B3GALT1: variants seen among roughly 807,000 people sequenced by gnomAD.
B3GALT1 encodes the protein beta-1,3-galactosyltransferase 1.
A neutral mutation model predicts 23.2 loss-of-function variants in B3GALT1; 10 were observed. That is an observed-to-expected ratio of 0.43 (90% confidence interval 0.27 to 0.73). The LOEUF is 0.73. Ranked by LOEUF, B3GALT1 falls within the 30% of genes least tolerant of loss-of-function variation. B3GALT1 has a pLI of 0.21. For synonymous variants in B3GALT1, 156 were observed against 141.5 expected, an observed-to-expected ratio of 1.10 and a Z score of -0.73; for missense variants, 299 against 405.4, an observed-to-expected ratio of 0.74 and a Z score of 2.25.
At chr2:167,626,766 A>G (rs1223852239) in intron 2 of B3GALT1, among the ~76,000 whole-genome samples, 2 of 151,820 alleles carry the variant, frequency 1.3e-5, no homozygotes, top group East Asian at 1.9e-4. Context: ...TAAGATGCTA[A>G]TAGGAAAATT....
intron 2 of B3GALT1, among the ~76,000 whole-genome samples, chr2:167,600,618 T>C (rs1299289850): frequency 6.6e-6 from 1 of 152,006 alleles, no homozygotes; most frequent in African/African-American, 2.4e-5. Context: ...GGATATCTCA[T>C]ATAATGGAAC....
intron 1 of B3GALT1, among the ~76,000 whole-genome samples, chr2:167,404,615 TA>T (rs1486490289): frequency 6.6e-6 from 1 of 152,184 alleles, no homozygotes; most frequent in Non-Finnish European, 1.5e-5. Flanking sequence ...ATGTTCACTA[TA>T]ATGTAAGTCC....
chr2:167,870,887 GGAGGCCA>G lies in B3GALT1; in HGVS notation c.*871_*877del. 1 of 167,038 alleles carries G rather than the reference GGAGGCCA, an allele frequency of 6.0e-6. No homozygotes were observed. Among genetic ancestry groups the G allele is most frequent in the Non-Finnish European group, 1.5e-5 (1 of 68,106 alleles). The allele number at this position is 167,038 out of a possible 1,614,324, so 10.3% of individuals were successfully genotyped here. ...TCTCTATGTAGAAAATAAGTTGGTT[GGAGGCCA>G]GAGAACAATAAATCACATTGAGAAA... On this transcript the variant is annotated 3_prime_UTR_variant, in exon 5 of 5. Coordinates refer to ENST00000392690, the MANE Select transcript of B3GALT1 (RefSeq NM_020981.4).
intron 1 of B3GALT1, among the ~76,000 whole-genome samples, chr2:167,377,968 T>G (rs926226595): frequency 6.6e-6 from 1 of 152,200 alleles, no homozygotes; most frequent in Non-Finnish European, 1.5e-5. Flanking sequence ...TGTTCTTTGG[T>G]TTCCATGTTT....
chr2:167,354,695 G>T (rs1697374871), intron 1 of B3GALT1, among the ~76,000 whole-genome samples: 2 of 151,970 alleles, frequency 1.3e-5, no homozygotes. Flanking sequence ...CACCACTTAG[G>T]CAGCAACCCT....
In B3GALT1 at chr2:167,723,188, G is replaced by A. The variant is rs1373951338; in HGVS notation, c.-352+76222G>A. Among the ~76,000 whole-genome samples the A allele has an allele frequency of 5.3e-5, 8 of 152,138 alleles. No individual in the cohort carries two copies. In the South Asian group the frequency reaches 1.5e-3, roughly 28 times the overall value. On this transcript the variant is annotated intron_variant, in intron 3 of 4. Transcript: ENST00000392690. ...GACAAACAAAAAGAAATAAAGCACA[G>A]CAGGTGACATGTTTAAACTACCTGA...
intron 2 of B3GALT1, among the ~76,000 whole-genome samples, chr2:167,535,027 C>G (rs551729889): frequency 2.6e-5 from 4 of 152,146 alleles, no homozygotes; most frequent in Non-Finnish European, 5.9e-5. Flanking sequence ...GAGCCAGACT[C>G]AAACCCAAGG....
intron 3 of B3GALT1, among the ~76,000 whole-genome samples, chr2:167,654,285 C>T (rs181220632): frequency 6.6e-6 from 1 of 152,250 alleles, no homozygotes; most frequent in African/African-American, 2.4e-5. Flanking sequence ...TACTATTAGT[C>T]TCTCATCGGG....
At chr2:167,671,062 T>C (rs986986354) in intron 3 of B3GALT1, among the ~76,000 whole-genome samples, 1 of 152,056 alleles carries the variant, frequency 6.6e-6, no homozygotes, top group South Asian at 2.1e-4. Context: ...AAAATAGACT[T>C]TAAGTAAAAA....
Position 167,773,894 on chromosome 2 carries a change from G to A in B3GALT1, c.-351-44778G>A, listed in dbSNP as rs796802259. On this transcript the variant is annotated intron_variant, in intron 3 of 4. Transcript: ENST00000392690. The stretch of plus-strand genomic sequence containing the variant: ...TCTGGACAAGACTTTGTCTTCTGAC[G>A]TAGAGGATGGCCAGCCCAAGCCTGG... Among the ~76,000 whole-genome samples the A allele has an allele frequency of 7.2e-5, 11 of 152,326 alleles. No homozygotes were observed. In the East Asian group the frequency reaches 7.7e-4, roughly 11 times the overall value.
chr2:167,304,393 A>C (rs1386850866), intron 1 of B3GALT1, among the ~76,000 whole-genome samples: 2 of 152,290 alleles, frequency 1.3e-5, no homozygotes, highest in South Asian at 2.1e-4. Flanking sequence ...TATCCAGTGC[A>C]GTATTTTATG....
intron 1 of B3GALT1, among the ~76,000 whole-genome samples, chr2:167,388,747 T>C (rs1439174429): frequency 2.6e-5 from 4 of 152,154 alleles, no homozygotes; most frequent in Non-Finnish European, 5.9e-5. Context: ...AGATGATGAA[T>C]AGGCAATAGA....
At chr2:167,545,611 A>G (rs1030110568) in intron 2 of B3GALT1, among the ~76,000 whole-genome samples, 7 of 151,992 alleles carry the variant, frequency 4.6e-5, no homozygotes, top group South Asian at 2.1e-4. Context: ...TAGTCCCTCA[A>G]TGGCACAGTC....
At chr2:167,861,786 C>T (rs753603690) in intron 4 of B3GALT1, among the ~76,000 whole-genome samples, 2 of 152,182 alleles carry the variant, frequency 1.3e-5, no homozygotes, top group Non-Finnish European at 2.9e-5. Flanking sequence ...AGAGAGGAGA[C>T]ATTTGCATTC....
rs979260608 is a variant in B3GALT1 at position 167,354,351 on chromosome 2, T to G, written c.-511+61017T>G. 3.4e-5 allele frequency among the ~76,000 whole-genome samples: 5 copies of G among 146,252 alleles called. No homozygotes were observed. The East Asian group carries it at 6.0e-4, about 18-fold the overall frequency. On this transcript the variant is annotated intron_variant, in intron 1 of 4. Coordinates refer to ENST00000392690, the MANE Select transcript of B3GALT1 (RefSeq NM_020981.4). Reference sequence around the variant, plus strand: ...TTTCTTTCCTTGGTAAATCTTCTTTTTTTTTTTTTTTTTTGAGATGGAGTC... The same window carrying G: ...TTTCTTTCCTTGGTAAATCTTCTTTGTTTTTTTTTTTTTTGAGATGGAGTC...
chr2:167,475,794 C>T (rs958376658), intron 1 of B3GALT1, among the ~76,000 whole-genome samples: 5 of 151,994 alleles, frequency 3.3e-5, no homozygotes, highest in African/African-American at 1.2e-4. Context: ...TGAAAGTTTG[C>T]GATCTAAGTA....
intron 3 of B3GALT1, among the ~76,000 whole-genome samples, chr2:167,812,825 T>G (rs1187769124): frequency 1.3e-5 from 2 of 152,138 alleles, no homozygotes; most frequent in African/African-American, 2.4e-5. Flanking sequence ...ATATCCCCTG[T>G]TTGATCAGCA....
intron 1 of B3GALT1, among the ~76,000 whole-genome samples, chr2:167,362,388 T>G (rs1354764472): frequency 6.6e-6 from 1 of 152,214 alleles, no homozygotes; most frequent in Non-Finnish European, 1.5e-5. Context: ...CACATTTACT[T>G]CTTGTCACTC....
chr2:167,824,886 A>G (rs1689182331), intron 4 of B3GALT1, among the ~76,000 whole-genome samples: 1 of 152,172 alleles, frequency 6.6e-6, no homozygotes, highest in Non-Finnish European at 1.5e-5. Context: ...ATATCCAAGT[A>G]CACAATTAGA....
Sources: allele counts gnomAD v4.1 joint callset (sites outside exome capture counted in the v4.1 genomes callset), GRCh38; gene constraint gnomAD v4.1.1; transcripts MANE v1.5; gene names NCBI Gene and HGNC (gene_info 2026-07-23, HGNC 2026-07-21).